The following PDE10A variants were observed in gnomAD, a reference collection of about 807,000 sequenced individuals.
PDE10A encodes the protein cAMP and cAMP-inhibited cGMP 3',5'-cyclic phosphodiesterase 10A.
PDE10A carries 39 observed loss-of-function variants against 97.7 expected under a neutral mutation model. The ratio of observed to expected loss-of-function variants is 0.40; its 90% CI spans 0.31 to 0.52. PDE10A has a LOEUF of 0.52. Among genes scored for constraint, PDE10A ranks in the 20% least tolerant of loss-of-function variants. The pLI, the probability that PDE10A is intolerant of heterozygous loss-of-function variation, is 0.56. For missense variants in PDE10A, 731 were observed against 1,047.8 expected, an observed-to-expected ratio of 0.70 and a Z score of 4.17; for synonymous variants, 371 against 376.8, an observed-to-expected ratio of 0.98 and a Z score of 0.18.
intron 1 of PDE10A, among the ~76,000 whole-genome samples, chr6:165,646,244 C>G (rs1022992485): frequency 6.6e-5 from 10 of 152,206 alleles, no homozygotes; most frequent in Non-Finnish European, 1.5e-4. Flanking sequence ...TGAAGGATTT[C>G]TGGAAACGGC....
intron 1 of PDE10A, among the ~76,000 whole-genome samples, chr6:165,799,135 A>C (rs1778910694): frequency 6.6e-6 from 1 of 152,250 alleles, no homozygotes; most frequent in Non-Finnish European, 1.5e-5. Flanking sequence ...AGCAACAGCA[A>C]CAACACTCCA....
chr6:165,742,028 G>A (rs945838820), intron 1 of PDE10A, among the ~76,000 whole-genome samples: 2 of 152,302 alleles, frequency 1.3e-5, no homozygotes, highest in Middle Eastern at 3.4e-3. Context: ...TTTGGTACAG[G>A]TCATGACAAT....
intron 6 of PDE10A, among the ~76,000 whole-genome samples, chr6:165,434,036 AAAG>A (rs1412023045): frequency 6.9e-6 from 1 of 144,392 alleles, no homozygotes. Context: ...AAAAAAAAAA[AAAG>A]AAGTAGTACA....
intron 5 of PDE10A, among the ~76,000 whole-genome samples, chr6:165,437,235 CTT>C: frequency 6.7e-6 from 1 of 149,686 alleles, no homozygotes; most frequent in East Asian, 2.0e-4. Context: ...AAACGCACAT[CTT>C]TTTTTTTTAT....
chr6:165,432,448 G>A (rs556391270), intron 7 of PDE10A, among the ~76,000 whole-genome samples: 27 of 152,284 alleles, frequency 1.8e-4, no homozygotes, highest in Middle Eastern at 3.4e-3. Flanking sequence ...AGGTGGGGTC[G>A]CAGGAGATGG....
At chr6:165,376,707 G>T (rs1010946506) in intron 18 of PDE10A, among the ~76,000 whole-genome samples, 1 of 152,150 alleles carries the variant, frequency 6.6e-6, no homozygotes, top group African/African-American at 2.4e-5. Context: ...TTGAGGCCAG[G>T]AGTTTGAGAC....
chr6:165,727,883 G>T (rs1792337929), intron 1 of PDE10A, among the ~76,000 whole-genome samples: 1 of 152,158 alleles, frequency 6.6e-6, no homozygotes, highest in South Asian at 2.1e-4. Flanking sequence ...AGGCTGCTTT[G>T]TAAGTTTGCA....
intron 5 of PDE10A, among the ~76,000 whole-genome samples, chr6:165,441,322 A>G (rs1306587754): frequency 1.3e-5 from 2 of 152,092 alleles, no homozygotes; most frequent in African/African-American, 4.8e-5. Context: ...TGATTTTTCT[A>G]TCTCCCCTAC....
intron 3 of PDE10A, among the ~76,000 whole-genome samples, chr6:165,463,684 A>C (rs1031133408): frequency 1.6e-4 from 24 of 151,114 alleles, no homozygotes; most frequent in Admixed American, 8.5e-4. Context: ...AGCCCCCCCC[A>C]AAAATCTGGC....
chr6:165,694,109 T>A (rs554668458), intron 1 of PDE10A, among the ~76,000 whole-genome samples: 1 of 152,358 alleles, frequency 6.6e-6, no homozygotes, highest in African/African-American at 2.4e-5. Flanking sequence ...ACTGTAAGTG[T>A]AACATAATTT....
chr6:165,645,853 C>CAAAAAAAAAAA (rs57923490), intron 1 of PDE10A, among the ~76,000 whole-genome samples: 2,215 of 100,722 alleles, frequency 0.022, 151 homozygotes, highest in East Asian at 0.06. Context: ...GACTCCATCT[C>CAAAAAAAAAAA]AAAAAAAAAA....
chr6:165,682,857 C>T (rs1219498146), intron 1 of PDE10A, among the ~76,000 whole-genome samples: 6 of 152,192 alleles, frequency 3.9e-5, no homozygotes, highest in Non-Finnish European at 7.3e-5. Flanking sequence ...GTTTGTACAT[C>T]CCCACTTCCA....
chr6:165,780,716 C>G (rs1778318636), intron 1 of PDE10A: 1 of 152,272 alleles, frequency 6.6e-6, no homozygotes, highest in Non-Finnish European at 1.5e-5. Flanking sequence ...TTATGCAAGG[C>G]TTCATCTTCC....
At chr6:165,918,345 T>A (rs936942565) in intron 1 of PDE10A, among the ~76,000 whole-genome samples, 1 of 152,240 alleles carries the variant, frequency 6.6e-6, no homozygotes, top group African/African-American at 2.4e-5. Context: ...ATACACGTTT[T>A]CAGACTTTAA....
At chr6:165,550,474 C>T (rs1251168380) in intron 1 of PDE10A, among the ~76,000 whole-genome samples, 1 of 152,084 alleles carries the variant, frequency 6.6e-6, no homozygotes, top group Non-Finnish European at 1.5e-5. Flanking sequence ...AATTACTGAA[C>T]TATAATAGTC....
intron 1 of PDE10A, among the ~76,000 whole-genome samples, chr6:165,658,216 G>A (rs189485900): frequency 3.3e-5 from 5 of 152,262 alleles, no homozygotes; most frequent in Non-Finnish European, 4.4e-5. Flanking sequence ...TCAAGTGTCG[G>A]CCACACAGTA....
intron 1 of PDE10A, among the ~76,000 whole-genome samples, chr6:165,812,205 A>C (rs960214695): frequency 2.0e-5 from 3 of 151,620 alleles, no homozygotes; most frequent in African/African-American, 7.2e-5. Flanking sequence ...GTAGGAAGGT[A>C]GACGTATGTC....
At chr6:165,525,547 T>A (rs989907200) in intron 2 of PDE10A, among the ~76,000 whole-genome samples, 4 of 151,706 alleles carry the variant, frequency 2.6e-5, no homozygotes, top group African/African-American at 9.7e-5. Flanking sequence ...CCTTAGAGGG[T>A]CCCGAAGATA....
chr6:165,544,811 G>A (rs146605316), intron 1 of PDE10A, among the ~76,000 whole-genome samples: 2 of 150,042 alleles, frequency 1.3e-5, no homozygotes, highest in African/African-American at 5.0e-5. Flanking sequence ...TAGTTAAATA[G>A]TCAATTTAAA....
Sources: gnomAD v4.1 joint callset for allele counts (sites outside exome capture counted in the v4.1 genomes callset) on GRCh38, gnomAD v4.1.1 for gene constraint, MANE v1.5 for transcripts, NCBI Gene and HGNC (gene_info 2026-07-23, HGNC 2026-07-21) for gene names.